Variants in PARD3B observed in about 807,000 individuals in gnomAD.
PARD3B encodes the protein par-3 family cell polarity regulator beta.
In PARD3B, 103 loss-of-function variants were observed where a neutral mutation model predicts 130.2. The observed-to-expected ratio is 0.79, with a 90% CI of 0.67 to 0.93. The LOEUF is 0.93. Among genes scored for constraint, PARD3B ranks in the 40% least tolerant of loss-of-function variants. The pLI is 0.00. For synonymous variants in PARD3B, 583 were observed against 553.2 expected (o/e 1.05, Z -0.76); for missense variants, 1,609 against 1,499.2 (o/e 1.07, Z -1.21).
chr2:205,379,178 C>G (rs1424124158), intron 18 of PARD3B, among the ~76,000 whole-genome samples: 4 of 152,128 alleles, frequency 2.6e-5, no homozygotes, highest in Admixed American at 1.3e-4. Context: ...CTCAAAGGCT[C>G]CATAATTCAG....
chr2:205,029,144 A>AT, intron 3 of PARD3B, among the ~76,000 whole-genome samples: 1 of 152,248 alleles, frequency 6.6e-6, no homozygotes, highest in Non-Finnish European at 1.5e-5. Flanking sequence ...TCTGACTCAT[A>AT]TTTTTGACAT....
intron 18 of PARD3B, among the ~76,000 whole-genome samples, chr2:205,340,684 A>T (rs902331442): frequency 2.0e-5 from 3 of 152,170 alleles, no homozygotes; most frequent in African/African-American, 4.8e-5. Flanking sequence ...ATATTGGTCT[A>T]GTCAAAGATT....
At chr2:204,546,148 G>C (rs989494513) in intron 1 of PARD3B, 29 bp downstream of exon 1, 38 of 1,549,642 alleles carry the variant, frequency 2.5e-5, no homozygotes, top group Non-Finnish European at 3.2e-5. Context: ...AGTGGGGCGC[G>C]GCTGCAGCCA....
chr2:205,426,783 T>C (rs1305957065), intron 19 of PARD3B, among the ~76,000 whole-genome samples: 1 of 151,830 alleles, frequency 6.6e-6, no homozygotes, highest in East Asian at 1.9e-4. Context: ...TTTTGAGGAG[T>C]AGAAAATATG....
intron 20 of PARD3B, among the ~76,000 whole-genome samples, chr2:205,441,536 C>T (rs191990734): frequency 4.9e-4 from 74 of 152,298 alleles, no homozygotes; most frequent in African/African-American, 1.7e-3. Flanking sequence ...GTAGCAGGCA[C>T]AGAGGGCTCT....
chr2:205,204,211 G>A (rs1574378949), intron 15 of PARD3B, among the ~76,000 whole-genome samples: 1 of 152,224 alleles, frequency 6.6e-6, no homozygotes, highest in African/African-American at 2.4e-5. Flanking sequence ...CAGTGATGAT[G>A]AGCTTTTCTT....
At chr2:205,318,112 T>C (rs1030404829) in intron 18 of PARD3B, among the ~76,000 whole-genome samples, 5 of 152,220 alleles carry the variant, frequency 3.3e-5, no homozygotes, top group Non-Finnish European at 7.3e-5. Flanking sequence ...ACCCTAATTC[T>C]AGGGCTTTTG....
intron 19 of PARD3B, among the ~76,000 whole-genome samples, chr2:205,426,847 G>C (rs1229692562): frequency 6.6e-6 from 1 of 152,068 alleles, no homozygotes; most frequent in Non-Finnish European, 1.5e-5. Context: ...GAGAAAATCA[G>C]AAAATATAGA....
intron 1 of PARD3B, among the ~76,000 whole-genome samples, chr2:204,603,551 A>C (rs1444673566): frequency 6.6e-6 from 1 of 151,814 alleles, no homozygotes; most frequent in Non-Finnish European, 1.5e-5. Context: ...CTTTAATACT[A>C]CTTTTTTTTT....
At chr2:205,483,512 G>T (rs1038146466) in intron 20 of PARD3B, among the ~76,000 whole-genome samples, 2 of 152,182 alleles carry the variant, frequency 1.3e-5, no homozygotes, top group Non-Finnish European at 2.9e-5. Flanking sequence ...TGTTATTCCT[G>T]TAGTGAGTAT....
intron 4 of PARD3B, among the ~76,000 whole-genome samples, chr2:205,062,763 T>C (rs568494213): frequency 9.8e-5 from 15 of 152,304 alleles, no homozygotes; most frequent in African/African-American, 3.6e-4. Flanking sequence ...TATATTTTTG[T>C]ATCTTTTGCA....
chr2:204,829,345 A>G (rs551451388), intron 2 of PARD3B, among the ~76,000 whole-genome samples: 1 of 152,320 alleles, frequency 6.6e-6, no homozygotes, highest in African/African-American at 2.4e-5. Flanking sequence ...ACTGAGTCCT[A>G]GCAACTTTAA....
intron 21 of PARD3B, among the ~76,000 whole-genome samples, chr2:205,511,113 A>G (rs941413187): frequency 3.6e-5 from 5 of 138,732 alleles, no homozygotes; most frequent in Admixed American, 7.8e-5. Flanking sequence ...ACTGTCTTCT[A>G]TCTTTGTTGA....
At chr2:204,804,966 G>A (rs760077104) in intron 2 of PARD3B, among the ~76,000 whole-genome samples, 2 of 151,814 alleles carry the variant, frequency 1.3e-5, no homozygotes, top group Admixed American at 6.6e-5. Flanking sequence ...GGGACACAGA[G>A]AAAGCAGTAT....
At chr2:205,264,630 AT>A (rs1341347409) in intron 16 of PARD3B, among the ~76,000 whole-genome samples, 2 of 151,056 alleles carry the variant, frequency 1.3e-5, no homozygotes, top group African/African-American at 4.9e-5. Context: ...TAATCTTATG[AT>A]TTCTTTTAAA....
chr2:204,700,668 C>T (rs1207026843), intron 2 of PARD3B, among the ~76,000 whole-genome samples: 7 of 151,974 alleles, frequency 4.6e-5, no homozygotes, highest in Non-Finnish European at 7.4e-5. Context: ...TGGGGCAATG[C>T]CAGTGTCTTG....
chr2:204,815,009 A>C (rs1033914442), intron 2 of PARD3B, among the ~76,000 whole-genome samples: 1 of 151,772 alleles, frequency 6.6e-6, no homozygotes, highest in African/African-American at 2.4e-5. Flanking sequence ...ATCTATTCTC[A>C]TAATTTTCTG....
Position 205,011,058 on chromosome 2 carries a change from G to T in PARD3B, c.395-36523G>T, listed in dbSNP as rs1657671309. Among the ~76,000 whole-genome samples the T allele has an allele frequency of 6.6e-6, 1 of 152,170 alleles. No homozygotes were observed. The highest frequency in any genetic ancestry group is 2.4e-5 in the African/African-American group (1 of 41,440). On this transcript the variant is annotated intron_variant, in intron 3 of 22. Transcript: ENST00000406610. The surrounding 1 kb of genome is among the most constrained non-coding windows in gnomAD (Gnocchi z 4.1). The stretch of plus-strand genomic sequence containing the variant: ...GGTGTATGGGGTTTAGTGGTGGAAG[G>T]TATCCCCTAAGCTGGTAGCACCATT...
rs562003260 is a variant in PARD3B at position 205,008,607 on chromosome 2, A to G, written c.395-38974A>G. ...TGAACAATAAATGCAATTCAGCTTTATGTATCTCTAGACTAAATAAACTGA... is the reference window on the plus strand; with the variant it reads ...TGAACAATAAATGCAATTCAGCTTTGTGTATCTCTAGACTAAATAAACTGA... On this transcript the variant is annotated intron_variant, in intron 3 of 22. Transcript: ENST00000406610. 3.3e-5 allele frequency among the ~76,000 whole-genome samples: 5 copies of G among 152,308 alleles called. No individual in the cohort carries two copies. The East Asian group carries it at 9.6e-4, about 29-fold the overall frequency.
Sources: allele counts gnomAD v4.1 joint callset (sites outside exome capture counted in the v4.1 genomes callset), GRCh38; gene constraint gnomAD v4.1.1; non-coding constraint Gnocchi (gnomAD v3.1); transcripts MANE v1.5; gene names NCBI Gene and HGNC (gene_info 2026-07-23, HGNC 2026-07-21).